Variants in PTCHD4 observed in about 807,000 individuals in gnomAD.
PTCHD4 encodes the protein patched domain-containing protein 4.
A neutral mutation model predicts 58.1 loss-of-function variants in PTCHD4; 33 were observed. The observed-to-expected ratio is 0.57, with a 90% CI of 0.43 to 0.76. PTCHD4 has a LOEUF of 0.76. PTCHD4 is among the 30% of genes least tolerant of loss of function. PTCHD4 has a pLI of 0.00. For synonymous variants in PTCHD4, 478 were observed against 409.6 expected (o/e 1.17, Z -2.02); for missense variants, 1,058 against 1,027.1 (o/e 1.03, Z -0.41).
chr6:47,908,996 G>T (rs1225670483), intron 4 of PTCHD4, among the ~76,000 whole-genome samples: 2 of 152,112 alleles, frequency 1.3e-5, no homozygotes, highest in Non-Finnish European at 2.9e-5. Context: ...CTGCATAAAT[G>T]AAATATCTAA....
intron 3 of PTCHD4, among the ~76,000 whole-genome samples, chr6:48,013,232 C>G (rs1473335430): frequency 1.3e-5 from 2 of 151,948 alleles, no homozygotes; most frequent in Non-Finnish European, 2.9e-5. Context: ...TTGGTAGGCT[C>G]TTAATTACTG....
At chr6:47,900,169 A>G (rs555437643) in intron 4 of PTCHD4, 1 of 152,298 alleles carries the variant, frequency 6.6e-6, no homozygotes, top group African/African-American at 2.4e-5. Context: ...CTGAATCAAA[A>G]TGCTAATACT....
rs1318998593 is a variant in PTCHD4, at chr6:48,069,574, T to TC, written c.-618dup. ...CGCTGCAGCTGAGGGCTGCGGAGAC[T>TC]CCATCTATCCCTGGTGCGTTGGGAC... On this transcript the variant is annotated 5_prime_UTR_variant, in exon 2 of 5. An upstream open reading frame in the 5' UTR gains an earlier in-frame stop. Transcript: ENST00000339488. Among the ~76,000 whole-genome samples, 1 of 152,210 alleles carries TC rather than the reference T, an allele frequency of 6.6e-6. No homozygotes were observed. Among genetic ancestry groups the TC allele is most frequent in the Non-Finnish European group, 1.5e-5 (1 of 68,040 alleles).
intron 4 of PTCHD4, among the ~76,000 whole-genome samples, chr6:47,960,117 T>C (rs1225830432): frequency 1.3e-5 from 2 of 152,116 alleles, no homozygotes; most frequent in African/African-American, 2.4e-5. Context: ...TCTTATACTA[T>C]GTATGTAGTG....
At chr6:48,098,923 C>A (rs1765535595) in intron 1 of PTCHD4, among the ~76,000 whole-genome samples, 1 of 152,080 alleles carries the variant, frequency 6.6e-6, no homozygotes, top group Non-Finnish European at 1.5e-5. Flanking sequence ...TTGCTCCATA[C>A]ACAGCATATT....
intron 4 of PTCHD4, among the ~76,000 whole-genome samples, chr6:47,973,552 T>C (rs1360584422): frequency 6.6e-6 from 1 of 152,158 alleles, no homozygotes; most frequent in Admixed American, 6.5e-5. Context: ...GGGGCAGGCA[T>C]TTACCTCGTA....
Position 48,068,530 on chromosome 6 carries a change from C to A in PTCHD4, c.117G>T (p.Pro39=). The A allele has an allele frequency of 6.2e-7, 1 of 1,610,828 alleles. No homozygotes were observed. The change falls in exon 3 of 5, where the codon CCG becomes CCT. Residue 39 remains proline (P), a synonymous_variant. Coordinates refer to ENST00000339488, the MANE Select transcript of PTCHD4 (RefSeq NM_001384253.1). The surrounding 1 kb of genome is among the most constrained non-coding windows in gnomAD (Gnocchi z 4.2). ...CTGCGGGCACGGTGAGGAAAAAGAC[C>A]GGGTGCCGGCTCACGCACAAACCCA... ...HRLGLCVSRH[P]VFFLTVPAVL...
At chr6:48,007,518 G>A (rs964840728) in intron 4 of PTCHD4, among the ~76,000 whole-genome samples, 1 of 152,128 alleles carries the variant, frequency 6.6e-6, no homozygotes, top group African/African-American at 2.4e-5. Flanking sequence ...TTTTGTTTAA[G>A]GAATGAAAAC....
At chr6:48,090,665 C>T (rs1393904536) in intron 1 of PTCHD4, among the ~76,000 whole-genome samples, 2 of 152,136 alleles carry the variant, frequency 1.3e-5, no homozygotes, top group African/African-American at 4.8e-5. Context: ...CTGAAATCAC[C>T]GTGCATGGGG....
At chr6:47,959,868 GA>G (rs369236237) in intron 4 of PTCHD4, among the ~76,000 whole-genome samples, 22,489 of 129,646 alleles carry the variant, frequency 0.17, 2,331 homozygotes, top group African/African-American at 0.33. Context: ...CTTCCAAATA[GA>G]AAAAAAAAAA....
At chr6:48,096,006 C>A (rs1473375380) in intron 1 of PTCHD4, among the ~76,000 whole-genome samples, 3 of 152,080 alleles carry the variant, frequency 2.0e-5, no homozygotes, top group Non-Finnish European at 2.9e-5. Context: ...TGGTACTGTG[C>A]CAGGCTATGG....
At chr6:48,010,876 G>C (rs1582016554) in intron 3 of PTCHD4, among the ~76,000 whole-genome samples, 1 of 152,042 alleles carries the variant, frequency 6.6e-6, no homozygotes, top group Non-Finnish European at 1.5e-5. Context: ...GCTGAGAATG[G>C]TGGTTTCCAG....
At chr6:48,102,747 T>C (rs185673915) in intron 1 of PTCHD4, among the ~76,000 whole-genome samples, 106 of 152,302 alleles carry the variant, frequency 7.0e-4, no homozygotes, top group Non-Finnish European at 1.2e-3. Flanking sequence ...ATCGGGTCAC[T>C]CCCACCCTAA....
chr6:47,860,628 AT>A lies in PTCHD4; in HGVS notation c.*17674del, dbSNP rs563933439. Among the ~76,000 whole-genome samples the A allele has an allele frequency of 3.4e-4, 51 of 151,512 alleles. No individual in the cohort carries two copies. Among genetic ancestry groups the A allele is most frequent in the South Asian group, 2.7e-3 (13 of 4,800 alleles). ...TTCACAATGTCTATCTTCCTTTATGATTTTTTTTCTCTGAACTCATATCTTC... is the reference window on the plus strand; with the variant it reads ...TTCACAATGTCTATCTTCCTTTATGATTTTTTTCTCTGAACTCATATCTTC... On this transcript the variant is annotated 3_prime_UTR_variant, in exon 5 of 5. Coordinates refer to ENST00000339488, the MANE Select transcript of PTCHD4 (RefSeq NM_001384253.1).
chr6:47,880,702 A>G (rs1763995421), intron 4 of PTCHD4, among the ~76,000 whole-genome samples: 1 of 152,122 alleles, frequency 6.6e-6, no homozygotes. Flanking sequence ...CTTGTTTTAA[A>G]CCAATGTTTG....
intron 3 of PTCHD4, among the ~76,000 whole-genome samples, chr6:48,018,502 A>G (rs1040679221): frequency 2.6e-5 from 4 of 152,254 alleles, no homozygotes; most frequent in Non-Finnish European, 5.9e-5. Context: ...GGCTAGACCA[A>G]GTCATGTGTC....
intron 1 of PTCHD4, among the ~76,000 whole-genome samples, chr6:48,108,529 C>G (rs1189989878): frequency 6.6e-6 from 1 of 151,844 alleles, no homozygotes; most frequent in East Asian, 1.9e-4. Context: ...GTGCAGCACA[C>G]CAACATGGCA....
chr6:47,982,322 C>T (rs1300666800), intron 4 of PTCHD4, among the ~76,000 whole-genome samples: 1 of 152,132 alleles, frequency 6.6e-6, no homozygotes, highest in Non-Finnish European at 1.5e-5. Flanking sequence ...TCCAACAAAT[C>T]TATCACAATC....
intron 4 of PTCHD4, among the ~76,000 whole-genome samples, chr6:47,923,343 G>C (rs1765492733): frequency 1.3e-5 from 2 of 151,864 alleles, no homozygotes; most frequent in African/African-American, 4.8e-5. Context: ...TATTTCATTG[G>C]GAATTCTTAT....
Sources: allele counts gnomAD v4.1 joint callset (sites outside exome capture counted in the v4.1 genomes callset), GRCh38; gene constraint gnomAD v4.1.1; non-coding constraint Gnocchi (gnomAD v3.1); transcripts MANE v1.5; gene names NCBI Gene and HGNC (gene_info 2026-07-23, HGNC 2026-07-21).